Variants in NCOR2 observed in about 807,000 individuals in gnomAD.
The protein encoded by NCOR2 is CTG repeat protein 26.
In NCOR2, 81 loss-of-function variants were observed where a neutral mutation model predicts 262.9. The ratio of observed to expected loss-of-function variants is 0.31; its 90% CI spans 0.26 to 0.37. The LOEUF (loss-of-function observed/expected upper bound fraction) is 0.37, where lower values mean the gene tolerates loss of function less well. NCOR2 is among the 10% of genes least tolerant of loss of function. The pLI is 1.00. For synonymous variants in NCOR2, 1,659 were observed against 1,559.3 expected (o/e 1.06, Z -1.51); for missense variants, 3,385 against 3,621.4 (o/e 0.93, Z 1.68).
At chr12:124,518,908 G>A (rs537625271) in intron 1 of NCOR2, among the ~76,000 whole-genome samples, 3 of 152,238 alleles carry the variant, frequency 2.0e-5, no homozygotes, top group Admixed American at 1.3e-4. Context: ...CCCAGGCCTC[G>A]GCCCATCCCT....
chr12:124,359,930 G>A (rs534023566), intron 22 of NCOR2, among the ~76,000 whole-genome samples: 1 of 152,358 alleles, frequency 6.6e-6, no homozygotes, highest in South Asian at 2.1e-4. Flanking sequence ...GCCAGGCTGT[G>A]CAAGAAAGGC....
chr12:124,343,469 T>A (rs549366203), intron 32 of NCOR2, among the ~76,000 whole-genome samples: 23 of 152,350 alleles, frequency 1.5e-4, no homozygotes, highest in African/African-American at 5.5e-4. Flanking sequence ...CAGCCTCTAC[T>A]ACGTGGCAAG....
intron 1 of NCOR2, among the ~76,000 whole-genome samples, chr12:124,525,692 C>T (rs1319067692): frequency 2.0e-5 from 3 of 152,198 alleles, no homozygotes; most frequent in Admixed American, 6.5e-5. Flanking sequence ...AGGCTGGCTG[C>T]GGCAGTGATC....
rs556838895 is a variant in NCOR2, at chr12:124,457,561, C to G, written c.706-399G>C. Among the ~76,000 whole-genome samples the G allele has an allele frequency of 6.6e-6, 1 of 152,254 alleles. No individual in the cohort carries two copies. The highest frequency in any genetic ancestry group is 6.5e-5 in the Admixed American group (1 of 15,294). Reference sequence around the variant, plus strand: ...AAGCTGGTTGGGTTGTCTACAATTACCTCAGAGCTAGTGCAGCCAGCGAGG... The same window carrying G: ...AAGCTGGTTGGGTTGTCTACAATTAGCTCAGAGCTAGTGCAGCCAGCGAGG... On this transcript the variant is annotated intron_variant, in intron 5 of 46. Coordinates refer to ENST00000405201, the Ensembl canonical transcript of NCOR2. This position sits in a 1 kb window ranked among gnomAD's most constrained non-coding sequence, Gnocchi z 4.0.
intron 27 of NCOR2, among the ~76,000 whole-genome samples, chr12:124,352,198 T>A (rs1275410971): frequency 6.6e-6 from 1 of 152,140 alleles, no homozygotes; most frequent in African/African-American, 2.4e-5. Context: ...TCCTGCAGCA[T>A]CCTGGCGGGA....
At chr12:124,374,159 G>A (rs549280330) in intron 19 of NCOR2, among the ~76,000 whole-genome samples, 9 of 152,298 alleles carry the variant, frequency 5.9e-5, no homozygotes, top group Admixed American at 3.9e-4. Flanking sequence ...AAACCCGGTC[G>A]GAGACCCAAG....
At chr12:124,339,942 G>T in intron 37 of NCOR2, 64 bp downstream of exon 39, 3 of 1,072,058 alleles carry the variant, frequency 2.8e-6, no homozygotes, top group African/African-American at 2.0e-5. Context: ...CCTCTTATCT[G>T]CTCATCCTCC....
chr12:124,348,243 C>G, exon 29 of NCOR2: 1 of 1,613,176 alleles, frequency 6.2e-7, no homozygotes, highest in Non-Finnish European at 8.5e-7. Flanking sequence ...CGCTTGGGGG[C>G]GGCCGTCTCA....
chr12:124,453,074 G>T (rs1324840646), intron 6 of NCOR2, among the ~76,000 whole-genome samples: 1 of 152,176 alleles, frequency 6.6e-6, no homozygotes, highest in Non-Finnish European at 1.5e-5. Context: ...AAGGGAGTGG[G>T]GGGAGGGAGG....
chr12:124,462,197 T>A (rs556978788), intron 5 of NCOR2, among the ~76,000 whole-genome samples: 1 of 152,142 alleles, frequency 6.6e-6, no homozygotes, highest in East Asian at 1.9e-4. Flanking sequence ...CACACATACA[T>A]CCACATGCGG....
At chr12:124,412,920 CAG>C (rs75810999) in intron 13 of NCOR2, among the ~76,000 whole-genome samples, 6,679 of 152,348 alleles carry the variant, frequency 0.044, 186 homozygotes, top group Non-Finnish European at 0.071. Flanking sequence ...TGGCCTCAGA[CAG>C]GGGGAACTCC....
chr12:124,492,633 G>A (rs943066558), intron 1 of NCOR2, among the ~76,000 whole-genome samples: 12 of 152,142 alleles, frequency 7.9e-5, no homozygotes, highest in African/African-American at 1.7e-4. Context: ...CCCCTTACCC[G>A]GGGGGATCTG....
intron 1 of NCOR2, among the ~76,000 whole-genome samples, chr12:124,515,664 CATGT>C (rs2049707381): frequency 6.6e-6 from 1 of 151,132 alleles, no homozygotes; most frequent in East Asian, 1.9e-4. Flanking sequence ...TGTGAGTGTG[CATGT>C]GAGTGTGAGT....
intron 15 of NCOR2, among the ~76,000 whole-genome samples, chr12:124,398,600 G>C (rs1433265166): frequency 6.6e-6 from 1 of 152,224 alleles, no homozygotes; most frequent in Admixed American, 6.5e-5. Context: ...AGCTTCAGGT[G>C]GGCCGGGACC....
Position 124,454,916 on chromosome 12 carries a change from A to G in NCOR2, c.762+2190T>C, listed in dbSNP as rs1383824384. On this transcript the variant is annotated intron_variant, in intron 6 of 46. Coordinates refer to ENST00000405201, the Ensembl canonical transcript of NCOR2. This position sits in a 1 kb window ranked among gnomAD's most constrained non-coding sequence, Gnocchi z 5.6. ...CAAACAATCTCACGTCCACCGACTGATGAGTGGGTAAACAACACGTGACCT... is the reference window on the plus strand; with the variant it reads ...CAAACAATCTCACGTCCACCGACTGGTGAGTGGGTAAACAACACGTGACCT... 2.0e-5 allele frequency among the ~76,000 whole-genome samples: 3 copies of G among 152,204 alleles called. No individual in the cohort carries two copies. Among genetic ancestry groups the G allele is most frequent in the African/African-American group, 4.8e-5 (2 of 41,438 alleles).
intron 1 of NCOR2, among the ~76,000 whole-genome samples, chr12:124,486,985 C>T (rs933167681): frequency 3.3e-5 from 5 of 152,220 alleles, no homozygotes; most frequent in South Asian, 2.1e-4. Context: ...AAGCTGTCTT[C>T]GCTTTTCTAC....
Position 124,340,276 on chromosome 12 carries a change from G to A in NCOR2, c.5488+18C>T, listed in dbSNP as rs1447003641. The A allele has an allele frequency of 6.2e-6, 10 of 1,608,486 alleles. No individual in the cohort carries two copies. The highest frequency in any genetic ancestry group is 1.7e-5 in the Admixed American group (1 of 59,906). On this transcript the variant is annotated intron_variant, in intron 36 of 46. Coordinates refer to ENST00000405201, the Ensembl canonical transcript of NCOR2. ...ACAAGGAGTCCCGGAGCGGGGGGTG[G>A]GGGCTCTGATGCCCTACCAGGTCTC...
chr12:124,553,773 C>T (rs537037698), intron 1 of NCOR2, among the ~76,000 whole-genome samples: 1 of 152,246 alleles, frequency 6.6e-6, no homozygotes, highest in South Asian at 2.1e-4. Context: ...GAAATCCCCC[C>T]ACTGCTGAAA....
intron 16 of NCOR2, among the ~76,000 whole-genome samples, chr12:124,387,863 G>A (rs1009838627): frequency 8.5e-5 from 13 of 152,118 alleles, no homozygotes; most frequent in African/African-American, 2.9e-4. Context: ...GGGAGAGGGC[G>A]AGAGGGGGCG....
Sources: allele counts gnomAD v4.1 joint callset (sites outside exome capture counted in the v4.1 genomes callset), GRCh38; gene constraint gnomAD v4.1.1; non-coding constraint Gnocchi (gnomAD v3.1); transcripts MANE v1.5; gene names NCBI Gene and HGNC (gene_info 2026-07-23, HGNC 2026-07-21).